The following ZNF623 variants were observed in gnomAD, a reference collection of about 807,000 sequenced individuals.
The protein encoded by ZNF623 is zinc finger protein 623.
ZNF623 carries 16 observed loss-of-function variants against 24.0 expected under a neutral mutation model. The ratio of observed to expected loss-of-function variants is 0.67; its 90% CI spans 0.45 to 1.01. The LOEUF is 1.01. ZNF623 is among the 50% of genes least tolerant of loss of function. The pLI is 0.00. For synonymous variants in ZNF623, 224 were observed against 219.8 expected, an observed-to-expected ratio of 1.02 and a Z score of -0.17; for missense variants, 566 against 606.5, an observed-to-expected ratio of 0.93 and a Z score of 0.70.
intron 1 of ZNF623, among the ~76,000 whole-genome samples, chr8:143,643,486 A>G (rs1417846242): frequency 6.6e-6 from 1 of 152,226 alleles, no homozygotes; most frequent in East Asian, 1.9e-4. Context: ...AGCAGTTCCC[A>G]GAGTGAGGAT....
At position 143,650,150 on chromosome 8, in the gene ZNF623, C is replaced by T. The variant is rs1459678088; in HGVS notation, c.158C>T (p.Thr53Ile). Residue 53 changes from threonine to isoleucine, a missense_variant, in exon 2 of 2, where the codon ACA (threonine) becomes ATA (isoleucine). Physicochemically the swap from Thr to Ile is moderately conservative, Grantham distance 89. Around this residue, in one of 3 missense-constraint regions of ZNF623, gnomAD observed 313 missense variants for 300.4 expected, o/e 1.04. Coordinates refer to ENST00000526926, the MANE Select transcript of ZNF623 (RefSeq NM_001261843.2). This position sits in a 1 kb window ranked among gnomAD's most constrained non-coding sequence, Gnocchi z 5.2. ...CATTGGAAGATCCAGACAGGAGAGA[C>T]AGCTCAAGTGTGCACCAAGTCAGGA... ...VTHWKIQTGE[T>I]AQVCTKSGRN... 2.5e-6 allele frequency: 4 copies of T among 1,614,198 alleles called. No individual in the cohort carries two copies. The highest frequency in any genetic ancestry group is 3.4e-6 in the Non-Finnish European group (4 of 1,180,040).
intron 1 of ZNF623, among the ~76,000 whole-genome samples, chr8:143,638,735 A>G (rs1454453525): frequency 6.6e-6 from 1 of 151,964 alleles, no homozygotes; most frequent in Non-Finnish European, 1.5e-5. Context: ...AGCCTGGGCG[A>G]CAGAGTGAGA....
intron 1 of ZNF623, among the ~76,000 whole-genome samples, chr8:143,645,193 C>T (rs1304707682): frequency 6.6e-6 from 1 of 151,534 alleles, no homozygotes; most frequent in African/African-American, 2.4e-5. Flanking sequence ...CCTGTAATCC[C>T]AGCACTTTGG....
intron 1 of ZNF623, among the ~76,000 whole-genome samples, chr8:143,643,337 G>T (rs1815101350): frequency 6.6e-6 from 1 of 152,244 alleles, no homozygotes; most frequent in African/African-American, 2.4e-5. Flanking sequence ...AGCTGGCCTG[G>T]CCTGGATGTG....
In ZNF623 at chr8:143,650,285, TA is replaced by T. The variant is rs752033972; in HGVS notation, c.294del (p.Val99LeufsTer84). 6.2e-7 allele frequency: 1 copy of T among 1,614,234 alleles called. No homozygotes were observed. Among genetic ancestry groups the T allele is most frequent in the South Asian group, 1.1e-5 (1 of 91,090 alleles). Reference protein sequence around the residue: ...CGKTFTFNSDLVRHRISHAGE... With the variant: ...CGKTFTFNSDXVRHRISHAGE... Reference sequence around the variant, plus strand: ...AAAACCTTCACGTTTAATTCGGACCTAGTTAGGCATCGGATTTCGCATGCTG... The same window carrying T: ...AAAACCTTCACGTTTAATTCGGACCTGTTAGGCATCGGATTTCGCATGCTG... On this transcript the variant is annotated frameshift_variant, in exon 2 of 2. Coordinates refer to ENST00000526926, the MANE Select transcript of ZNF623 (RefSeq NM_001261843.2). LOFTEE classifies it low-confidence loss of function (END_TRUNC). This position sits in a 1 kb window ranked among gnomAD's most constrained non-coding sequence, Gnocchi z 5.2.
chr8:143,650,755 G>T lies in ZNF623; in HGVS notation c.763G>T (p.Glu255Ter), dbSNP rs1260577766. 1.2e-6 allele frequency: 2 copies of T among 1,613,946 alleles called. No homozygotes were observed. The highest frequency in any genetic ancestry group is 1.7e-6 in the Non-Finnish European group (2 of 1,180,000). ...HTEVKQYECK[E>*]CGKAFRHRSD... is the part of the protein sequence containing the mutation. Reference sequence around the variant, plus strand: ...AGAAGTGAAACAGTATGAATGCAAAGAATGTGGGAAGGCATTCCGTCATCG... The same window carrying T: ...AGAAGTGAAACAGTATGAATGCAAATAATGTGGGAAGGCATTCCGTCATCG... The change falls in exon 2 of 2, where the codon GAA becomes TAA. Residue 255 changes from glutamate to a stop codon, truncating the protein, a stop_gained. Transcript: ENST00000526926. LOFTEE classifies it high-confidence loss of function. This position sits in a 1 kb window ranked among gnomAD's most constrained non-coding sequence, Gnocchi z 5.2.
chr8:143,648,811 A>T (rs1815228152), intron 1 of ZNF623, among the ~76,000 whole-genome samples: 1 of 152,042 alleles, frequency 6.6e-6, no homozygotes, highest in Non-Finnish European at 1.5e-5. Flanking sequence ...TCCTTGCCTG[A>T]TTTCTTCTGT....
chr8:143,640,426 CAA>C (rs1193807801), intron 1 of ZNF623, among the ~76,000 whole-genome samples: 1 of 152,152 alleles, frequency 6.6e-6, no homozygotes, highest in Non-Finnish European at 1.5e-5. Context: ...CTTGCTTTCA[CAA>C]AAGATTTCTC....
chr8:143,651,611 C>A lies in ZNF623; in HGVS notation c.*128C>A. The A allele has an allele frequency of 9.5e-7, 1 of 1,057,596 alleles. No individual in the cohort carries two copies. Among genetic ancestry groups the A allele is most frequent in the Non-Finnish European group, 1.4e-6 (1 of 734,266 alleles). 65.5% of individuals were successfully genotyped at this position (1,057,596 alleles called of 1,614,324 possible). A position where few individuals can be genotyped will look rare whatever the true frequency, so the allele number is the denominator to read the frequency against. ...ATGGGGCTGCTTTTGCAGTGGGTGCCACCTGCCACTGTGCAGCCCTACTCG... is the reference window on the plus strand; with the variant it reads ...ATGGGGCTGCTTTTGCAGTGGGTGCAACCTGCCACTGTGCAGCCCTACTCG... On this transcript the variant is annotated 3_prime_UTR_variant, in exon 2 of 2. Coordinates refer to ENST00000526926, the MANE Select transcript of ZNF623 (RefSeq NM_001261843.2).
At chr8:143,641,355 C>T (rs1815048535) in intron 1 of ZNF623, among the ~76,000 whole-genome samples, 1 of 151,864 alleles carries the variant, frequency 6.6e-6, no homozygotes, top group African/African-American at 2.4e-5. Context: ...GCAGAATGCA[C>T]GTTGTGTTGG....
In ZNF623 at chr8:143,651,184, A is replaced by G; in HGVS notation, c.1192A>G (p.Lys398Glu). ...GCCCTTCGAATGTAAAGACTGTGGGAAAGCCTTCATCCAGAGCTCCAAGCT... is the reference window on the plus strand; with the variant it reads ...GCCCTTCGAATGTAAAGACTGTGGGGAAGCCTTCATCCAGAGCTCCAAGCT... ...DRPFECKDCG[K>E]AFIQSSKLLL... is the part of the protein sequence containing the mutation. Residue 398 changes from lysine to glutamate, a missense_variant, in exon 2 of 2, where the codon AAA becomes GAA. Physicochemically the swap from Lys to Glu is moderately conservative, Grantham distance 56. Transcript: ENST00000526926. 1 of 1,614,202 alleles carries G rather than the reference A, an allele frequency of 6.2e-7. No individual in the cohort carries two copies. The highest frequency in any genetic ancestry group is 1.1e-5 in the South Asian group (1 of 91,082).
chr8:143,651,328 C>T lies in ZNF623; in HGVS notation c.1336C>T (p.Leu446Phe), dbSNP rs1251602219. 1.2e-6 allele frequency: 2 copies of T among 1,614,056 alleles called. No homozygotes were observed. Among genetic ancestry groups the T allele is most frequent in the African/African-American group, 2.7e-5 (2 of 74,912 alleles). ...QHQKIHTEEK[L>F]YECSQYGRDF... The stretch of plus-strand genomic sequence containing the variant: ...CCAGAAAATTCATACTGAAGAGAAG[C>T]TCTATGAATGTAGTCAGTATGGGAG... Residue 446 changes from leucine to phenylalanine, a missense_variant, in exon 2 of 2, where the codon CTC becomes TTC. Leu to Phe is a conservative substitution (Grantham distance 22). Around this residue, in one of 3 missense-constraint regions of ZNF623, gnomAD observed 136 missense variants for 131.9 expected, o/e 1.03. Coordinates refer to ENST00000526926, the MANE Select transcript of ZNF623 (RefSeq NM_001261843.2).
At chr8:143,648,074 G>GAGCT (rs1329978940) in intron 1 of ZNF623, among the ~76,000 whole-genome samples, 1 of 152,236 alleles carries the variant, frequency 6.6e-6, no homozygotes, top group Non-Finnish European at 1.5e-5. Flanking sequence ...GTTGGGTGAG[G>GAGCT]AGCTGGTCAG....
chr8:143,651,617 C>A lies in ZNF623; in HGVS notation c.*134C>A. 1 of 1,002,358 alleles carries A rather than the reference C, an allele frequency of 1.0e-6. No homozygotes were observed. Among genetic ancestry groups the A allele is most frequent in the Non-Finnish European group, 1.5e-6 (1 of 685,014 alleles). The allele number at this position is 1,002,358 out of a possible 1,614,324, so 62.1% of individuals were successfully genotyped here. A position where few individuals can be genotyped will look rare whatever the true frequency, so the allele number is the denominator to read the frequency against. ...CTGCTTTTGCAGTGGGTGCCACCTG[C>A]CACTGTGCAGCCCTACTCGGCTCAG... is the stretch of plus-strand genomic sequence containing the variant. On this transcript the variant is annotated 3_prime_UTR_variant, in exon 2 of 2. Coordinates refer to ENST00000526926, the MANE Select transcript of ZNF623 (RefSeq NM_001261843.2).
chr8:143,649,434 C>T (rs1395370401), intron 1 of ZNF623, among the ~76,000 whole-genome samples: 1 of 152,128 alleles, frequency 6.6e-6, no homozygotes, highest in East Asian at 1.9e-4. Flanking sequence ...GGGTGATTCT[C>T]ATGCAACTTA....
chr8:143,645,130 A>G (rs1415587362), intron 1 of ZNF623, among the ~76,000 whole-genome samples: 1 of 71,338 alleles, frequency 1.4e-5, no homozygotes, highest in Non-Finnish European at 2.2e-5. Context: ...CTCCATCTCA[A>G]AAAAAAAAAA....
At chr8:143,636,921 A>G (rs1307312071) in intron 1 of ZNF623, among the ~76,000 whole-genome samples, 2 of 152,152 alleles carry the variant, frequency 1.3e-5, no homozygotes, top group East Asian at 3.9e-4. Flanking sequence ...CAGCGCCTGG[A>G]TGCTGGCCTC....
Position 143,652,525 on chromosome 8 carries a change from C to G in ZNF623, c.*1042C>G, listed in dbSNP as rs1815354969. The G allele has an allele frequency of 6.0e-6, 1 of 167,096 alleles. No homozygotes were observed. The highest frequency in any genetic ancestry group is 6.5e-5 in the Admixed American group (1 of 15,278). 10.4% of individuals were successfully genotyped at this position (167,096 alleles called of 1,614,324 possible). A position where few individuals can be genotyped will look rare whatever the true frequency, so the allele number is the denominator to read the frequency against. On this transcript the variant is annotated 3_prime_UTR_variant, in exon 2 of 2. Transcript: ENST00000526926. ...TAGAAGTATCTTCTCAGCCCTGCTA[C>G]TGTCTGCTGCTCCTACTTAGAAGTT...
At chr8:143,647,316 A>C (rs113696569) in intron 1 of ZNF623, among the ~76,000 whole-genome samples, 49 of 152,228 alleles carry the variant, frequency 3.2e-4, no homozygotes, top group African/African-American at 1.2e-3. Context: ...GCCTGCCGCC[A>C]CGCCCGGCTA....
Sources: gnomAD v4.1 joint callset for allele counts (sites outside exome capture counted in the v4.1 genomes callset) on GRCh38, gnomAD v4.1.1 for gene constraint, gnomAD v4.1.1 regional missense constraint, Gnocchi (gnomAD v3.1) non-coding constraint, MANE v1.5 for transcripts, NCBI Gene and HGNC (gene_info 2026-07-23, HGNC 2026-07-21) for gene names.